The following PRKCH variants were observed in gnomAD, a reference collection of about 807,000 sequenced individuals.
PRKCH encodes the protein protein kinase C eta type.
In PRKCH, 28 loss-of-function variants were observed where a neutral mutation model predicts 82.5. That is an observed-to-expected ratio of 0.34 (90% CI 0.25 to 0.47). The LOEUF (loss-of-function observed/expected upper bound fraction) is 0.47, where lower values mean the gene tolerates loss of function less well. Among genes scored for constraint, PRKCH ranks in the 20% least tolerant of loss-of-function variants. The pLI is 1.00. For synonymous variants in PRKCH, 322 were observed against 327.4 expected, an observed-to-expected ratio of 0.98 and a Z score of 0.18; for missense variants, 705 against 881.8, an observed-to-expected ratio of 0.80 and a Z score of 2.54.
chr14:61,383,365 G>C (rs772975354), intron 1 of PRKCH, among the ~76,000 whole-genome samples: 9 of 152,130 alleles, frequency 5.9e-5, no homozygotes, highest in Non-Finnish European at 1.0e-4. Context: ...GGAACTCTGC[G>C]AGGCTCCTTG....
chr14:61,209,116 C>T (rs186123872), intron 1 of PRKCH, among the ~76,000 whole-genome samples: 1 of 152,264 alleles, frequency 6.6e-6, no homozygotes, highest in African/African-American at 2.4e-5. Flanking sequence ...CTCTTGCTCT[C>T]TCATGCTCTC....
At chr14:61,514,491 G>C (rs1436891160) in intron 10 of PRKCH, among the ~76,000 whole-genome samples, 1 of 151,996 alleles carries the variant, frequency 6.6e-6, no homozygotes, top group African/African-American at 2.4e-5. Flanking sequence ...ATGCTGTCCT[G>C]GTCTTAGGTC....
At chr14:61,330,878 T>A (rs1018552587) in intron 1 of PRKCH, among the ~76,000 whole-genome samples, 1 of 152,174 alleles carries the variant, frequency 6.6e-6, no homozygotes, top group Non-Finnish European at 1.5e-5. Flanking sequence ...TCTTTTGGCT[T>A]CCCTGGGCCA....
intron 1 of PRKCH, among the ~76,000 whole-genome samples, chr14:61,358,668 A>T (rs997570894): frequency 3.9e-5 from 6 of 152,090 alleles, no homozygotes; most frequent in African/African-American, 1.2e-4. Flanking sequence ...ATGCTCCATT[A>T]TATGCAAATC....
intron 10 of PRKCH, among the ~76,000 whole-genome samples, chr14:61,492,935 TG>T (rs996163109): frequency 1.3e-5 from 2 of 151,674 alleles, no homozygotes; most frequent in African/African-American, 4.9e-5. Flanking sequence ...ATAAGGAGGG[TG>T]TTTAGGTAGG....
chr14:61,301,556 ATC>A (rs2045447449), intron 1 of PRKCH, among the ~76,000 whole-genome samples: 2 of 152,208 alleles, frequency 1.3e-5, no homozygotes, highest in Non-Finnish European at 2.9e-5. Context: ...AAATGTACAC[ATC>A]TGTTCAGGCA....
intron 1 of PRKCH, among the ~76,000 whole-genome samples, chr14:61,210,963 A>G (rs184440132): frequency 1.1e-3 from 166 of 152,302 alleles, no homozygotes; most frequent in Non-Finnish European, 2.1e-3. Flanking sequence ...CAAAAGTCCA[A>G]GTAAATGCCA....
At chr14:61,516,955 G>T (rs969863183) in intron 10 of PRKCH, among the ~76,000 whole-genome samples, 1 of 152,120 alleles carries the variant, frequency 6.6e-6, no homozygotes, top group African/African-American at 2.4e-5. Context: ...GCCTGTGAGT[G>T]GTTCTGAAGT....
At chr14:61,311,508 T>C (rs1353026636) in intron 1 of PRKCH, among the ~76,000 whole-genome samples, 2 of 152,224 alleles carry the variant, frequency 1.3e-5, no homozygotes, top group African/African-American at 4.8e-5. Flanking sequence ...AACTATCCCA[T>C]ATCTTCCTGT....
At chr14:61,330,868 TC>T (rs1423534645) in intron 1 of PRKCH, among the ~76,000 whole-genome samples, 1 of 152,162 alleles carries the variant, frequency 6.6e-6, no homozygotes, top group East Asian at 1.9e-4. Flanking sequence ...GGGTGTCCAA[TC>T]TTTTGGCTTC....
At chr14:61,330,119 G>T (rs1286518426) in intron 1 of PRKCH, among the ~76,000 whole-genome samples, 2 of 152,118 alleles carry the variant, frequency 1.3e-5, no homozygotes, top group African/African-American at 4.8e-5. Context: ...AGGGAGATTG[G>T]GATAAAAAGC....
intron 1 of PRKCH, among the ~76,000 whole-genome samples, chr14:61,263,071 T>C (rs2045064656): frequency 1.3e-5 from 2 of 152,220 alleles, no homozygotes; most frequent in Admixed American, 6.5e-5. Flanking sequence ...GTTGACTACT[T>C]ATTTTTATTC....
At chr14:61,204,466 G>T (rs536986443) in intron 1 of PRKCH, among the ~76,000 whole-genome samples, 55 of 152,030 alleles carry the variant, frequency 3.6e-4, no homozygotes, top group Non-Finnish European at 6.9e-4. Flanking sequence ...ATAGAAAATG[G>T]TCAACAGGCC....
At chr14:61,463,791 T>A (rs1469778976) in intron 9 of PRKCH, among the ~76,000 whole-genome samples, 1 of 152,260 alleles carries the variant, frequency 6.6e-6, no homozygotes, top group East Asian at 1.9e-4. Context: ...TTGGCTTTAT[T>A]TGATTACACA....
At chr14:61,346,840 C>T (rs575576979) in intron 1 of PRKCH, among the ~76,000 whole-genome samples, 1 of 152,354 alleles carries the variant, frequency 6.6e-6, no homozygotes, top group South Asian at 2.1e-4. Flanking sequence ...CAGTCCTGGA[C>T]TTCAACCAAA....
At chr14:61,461,173 C>T (rs757537409) in intron 9 of PRKCH, among the ~76,000 whole-genome samples, 1 of 152,170 alleles carries the variant, frequency 6.6e-6, no homozygotes, top group Non-Finnish European at 1.5e-5. Flanking sequence ...CTCTGCTTTC[C>T]CTCTGCTGGA....
chr14:61,484,599 T>C (rs985595199), intron 9 of PRKCH, among the ~76,000 whole-genome samples: 1 of 152,168 alleles, frequency 6.6e-6, no homozygotes, highest in Admixed American at 6.5e-5. Flanking sequence ...TTTAGTACAC[T>C]GCATAGTGAC....
chr14:61,349,317 C>T (rs2046039849), intron 1 of PRKCH, among the ~76,000 whole-genome samples: 1 of 152,172 alleles, frequency 6.6e-6, no homozygotes, highest in African/African-American at 2.4e-5. Flanking sequence ...ATGTACCAAT[C>T]CTTAACATTT....
chr14:61,490,125 A>G (rs4902065), intron 10 of PRKCH, among the ~76,000 whole-genome samples: 124,469 of 151,756 alleles, frequency 0.82, 53,792 homozygotes, highest in Non-Finnish European at 0.95. Context: ...TGCTGGGTGC[A>G]CGGTAATTAG....
Sources: gnomAD v4.1 joint callset for allele counts (sites outside exome capture counted in the v4.1 genomes callset) on GRCh38, gnomAD v4.1.1 for gene constraint, MANE v1.5 for transcripts, NCBI Gene and HGNC (gene_info 2026-07-23, HGNC 2026-07-21) for gene names.